JCAD: variants seen among roughly 807,000 people sequenced by gnomAD.
JCAD encodes junctional cadherin 5-associated protein.
Under a neutral mutation model 98.0 loss-of-function variants are expected in JCAD, and 40 were observed. The observed-to-expected ratio is 0.41, with a 90% CI of 0.32 to 0.53. The LOEUF (loss-of-function observed/expected upper bound fraction) is 0.53, where lower values mean the gene tolerates loss of function less well. JCAD is among the 20% of genes least tolerant of loss of function. The pLI is 0.31. For synonymous variants in JCAD, 691 were observed against 682.3 expected, an observed-to-expected ratio of 1.01 and a Z score of -0.20; for missense variants, 1,705 against 1,738.1, an observed-to-expected ratio of 0.98 and a Z score of 0.34.
upstream of JCAD, among the ~76,000 whole-genome samples, chr10:30,060,323 G>T (rs1564459069): frequency 6.6e-6 from 1 of 152,186 alleles, no homozygotes; most frequent in African/African-American, 2.4e-5. Context: ...ACAGGGCAGG[G>T]GTAGGAGGAG....
chr10:30,089,760 G>A (rs949096553), intron 1 of JCAD, among the ~76,000 whole-genome samples: 1 of 152,148 alleles, frequency 6.6e-6, no homozygotes, highest in African/African-American at 2.4e-5. Flanking sequence ...GAATAGAGCA[G>A]CAGATGCCAG....
chr10:30,070,986 A>G (rs1837875414), intron 1 of JCAD, among the ~76,000 whole-genome samples: 1 of 151,882 alleles, frequency 6.6e-6, no homozygotes, highest in Non-Finnish European at 1.5e-5. Context: ...GATCACTGCA[A>G]CCTCCCCCTC....
intron 1 of JCAD, among the ~76,000 whole-genome samples, chr10:30,098,075 C>T (rs906124803): frequency 2.0e-5 from 3 of 152,132 alleles, no homozygotes; most frequent in Admixed American, 6.5e-5. Flanking sequence ...GAGAGTCCAG[C>T]TGCTGGTCAC....
chr10:30,071,281 G>T (rs1837882389), intron 1 of JCAD, among the ~76,000 whole-genome samples: 1 of 152,128 alleles, frequency 6.6e-6, no homozygotes, highest in African/African-American at 2.4e-5. Flanking sequence ...ATGACAAATT[G>T]TCCTAATATC....
intron 1 of JCAD, among the ~76,000 whole-genome samples, chr10:30,100,061 A>T (rs1464859780): frequency 6.6e-6 from 1 of 151,988 alleles, no homozygotes; most frequent in Non-Finnish European, 1.5e-5. Flanking sequence ...AGGACACAGC[A>T]GCAGGGGCCA....
At chr10:30,065,880 T>C (rs1349488132) in intron 2 of JCAD, among the ~76,000 whole-genome samples, 4 of 152,116 alleles carry the variant, frequency 2.6e-5, no homozygotes, top group Admixed American at 1.3e-4. Flanking sequence ...CAGGATCAAC[T>C]GGGGGAGGGA....
intron 2 of JCAD, among the ~76,000 whole-genome samples, chr10:30,032,305 T>G (rs1185474447): frequency 1.3e-5 from 2 of 152,204 alleles, no homozygotes; most frequent in Admixed American, 6.5e-5. Context: ...TGGATTTAAT[T>G]GGTCTAATGA....
At chr10:30,100,285 T>C (rs1347606611) in intron 1 of JCAD, among the ~76,000 whole-genome samples, 1 of 152,232 alleles carries the variant, frequency 6.6e-6, no homozygotes, top group African/African-American at 2.4e-5. Context: ...ATTATGACTC[T>C]GTTTTGTTAA....
At position 30,041,174 on chromosome 10, in the gene JCAD, G is replaced by A. The variant is rs565351236; in HGVS notation, c.281+6358C>T. The stretch of plus-strand genomic sequence containing the variant: ...CAGGAGACAGGACCAGCTTCCAGGC[G>A]CTTCTGGAAGTTTCCACACTTACGA... On this transcript the variant is annotated intron_variant, in intron 2 of 3. Transcript: ENST00000375377. Among the ~76,000 whole-genome samples the A allele has an allele frequency of 5.9e-5, 9 of 152,078 alleles. No individual in the cohort carries two copies. The South Asian group carries it at 8.3e-4, about 14-fold the overall frequency.
chr10:30,031,566 C>T (rs1205622569), intron 2 of JCAD, among the ~76,000 whole-genome samples: 1 of 150,834 alleles, frequency 6.6e-6, no homozygotes, highest in Admixed American at 6.6e-5. Context: ...CTCAGCCTCC[C>T]GAGTAGCTGG....
At chr10:30,073,670 C>CTTCG (rs1837932975) in intron 1 of JCAD, among the ~76,000 whole-genome samples, 1 of 109,564 alleles carries the variant, frequency 9.1e-6, no homozygotes, top group Non-Finnish European at 1.9e-5. Context: ...TCCTTCCTTC[C>CTTCG]TTCCTTCCTT....
At chr10:30,024,872 T>C (rs1430098505) in intron 3 of JCAD, among the ~76,000 whole-genome samples, 1 of 151,874 alleles carries the variant, frequency 6.6e-6, no homozygotes, top group Non-Finnish European at 1.5e-5. Flanking sequence ...ATTTTTTGTA[T>C]TTTCAGTAGA....
rs1836874037 is a variant in JCAD at position 30,027,992 on chromosome 10, C to A, written c.2156G>T (p.Ser719Ile). 1 of 1,614,240 alleles carries A rather than the reference C, an allele frequency of 6.2e-7. No individual in the cohort carries two copies. The highest frequency in any genetic ancestry group is 8.5e-7 in the Non-Finnish European group (1 of 1,180,050). The change falls in exon 3 of 4, where the codon AGT becomes ATT. Residue 719 changes from serine to isoleucine, a missense_variant. Coordinates refer to ENST00000375377, the MANE Select transcript of JCAD (RefSeq NM_020848.4). ...KLGGPSRAAL[S>I]PKCSDPAASE... ...GGCAGCAGGGTCTGAACATTTTGGACTCAATGCTGCACGACTCGGCCCTCC... is the reference window on the plus strand; with the variant it reads ...GGCAGCAGGGTCTGAACATTTTGGAATCAATGCTGCACGACTCGGCCCTCC...
chr10:30,036,719 A>G (rs2061910301), intron 2 of JCAD, among the ~76,000 whole-genome samples: 1 of 152,206 alleles, frequency 6.6e-6, no homozygotes, highest in Non-Finnish European at 1.5e-5. Flanking sequence ...TCCCTCCTCC[A>G]TGAACAAAAT....
At chr10:30,099,642 C>G (rs947687204) in intron 1 of JCAD, among the ~76,000 whole-genome samples, 1 of 151,894 alleles carries the variant, frequency 6.6e-6, no homozygotes, top group African/African-American at 2.4e-5. Flanking sequence ...TAAATAATGA[C>G]AGGATCTACA....
chr10:30,082,457 A>G (rs964303034), intron 1 of JCAD, among the ~76,000 whole-genome samples: 4 of 152,158 alleles, frequency 2.6e-5, no homozygotes, highest in African/African-American at 2.4e-5. Flanking sequence ...AGTTGCTCAC[A>G]CCTATAATCC....
intron 1 of JCAD, among the ~76,000 whole-genome samples, chr10:30,104,470 C>T (rs548215943): frequency 8.3e-4 from 125 of 151,288 alleles, no homozygotes; most frequent in Non-Finnish European, 1.5e-3. Context: ...CAAACTAATG[C>T]AAGAACAGAA....
At chr10:30,104,907 A>G (rs533312539) in intron 1 of JCAD, among the ~76,000 whole-genome samples, 2 of 152,084 alleles carry the variant, frequency 1.3e-5, no homozygotes, top group South Asian at 2.1e-4. Flanking sequence ...TGTTATTCAC[A>G]TGTTACCTGT....
chr10:30,113,776 C>A (rs1763082473), intron 1 of JCAD, among the ~76,000 whole-genome samples: 1 of 152,112 alleles, frequency 6.6e-6, no homozygotes, highest in Non-Finnish European at 1.5e-5. Flanking sequence ...ACCCTTCCAA[C>A]CTGTTCCTCA....
Sources: allele counts gnomAD v4.1 joint callset (sites outside exome capture counted in the v4.1 genomes callset), GRCh38; gene constraint gnomAD v4.1.1; transcripts MANE v1.5; gene names NCBI Gene and HGNC (gene_info 2026-07-23, HGNC 2026-07-21).